The following GPR146 variants were observed in gnomAD, a reference collection of about 807,000 sequenced individuals.
GPR146 encodes G protein-coupled receptor 146.
For synonymous variants in GPR146, 203 were observed against 104.3 expected, an observed-to-expected ratio of 1.95 and a Z score of -5.77; for missense variants, 381 against 213.9, an observed-to-expected ratio of 1.78 and a Z score of -4.87.
rs902234383 is a variant in GPR146 at position 1,058,808 on chromosome 7, T to C, written c.*291T>C. On this transcript the variant is annotated 3_prime_UTR_variant, in exon 2 of 2. Transcript: ENST00000444847. Reference sequence around the variant, plus strand: ...GCCTTCAGCCTCCTCAGCATTCAGTTTGTCAATGAAGTGATGAAAGCTTAG... The same window carrying C: ...GCCTTCAGCCTCCTCAGCATTCAGTCTGTCAATGAAGTGATGAAAGCTTAG... 3 of 444,494 alleles carry C rather than the reference T, an allele frequency of 6.7e-6. No homozygotes were observed. Among genetic ancestry groups the C allele is most frequent in the Non-Finnish European group, 1.2e-5 (3 of 240,908 alleles). The allele number at this position is 444,494 out of a possible 1,614,324, so 27.5% of individuals were successfully genotyped here.
intron 1 of GPR146, among the ~76,000 whole-genome samples, chr7:1,049,390 C>T (rs1388603447): frequency 1.3e-5 from 2 of 152,354 alleles, no homozygotes; most frequent in African/African-American, 2.4e-5. Context: ...ACTTAACCCT[C>T]CTGTCTCATG....
At chr7:1,045,873 TCCA>T (rs924115223) in intron 1 of GPR146, 2 of 152,250 alleles carry the variant, frequency 1.3e-5, no homozygotes, top group African/African-American at 4.8e-5. Flanking sequence ...CGTGCTGGCG[TCCA>T]CGTGTCATCC....
Position 1,057,694 on chromosome 7 carries a change from C to A in GPR146, c.179C>A (p.Thr60Asn), listed in dbSNP as rs377419653. ...AACCTACACAGCAAGGCCAGCATGACCATGCCGGACGTGTACTTTGTCAAC... is the reference window on the plus strand; with the variant it reads ...AACCTACACAGCAAGGCCAGCATGAACATGCCGGACGTGTACTTTGTCAAC... Reference protein sequence around the residue: ...LANLHSKASMTMPDVYFVNMA... With the variant: ...LANLHSKASMNMPDVYFVNMA... The change falls in exon 2 of 2, where the codon ACC (threonine) becomes AAC (asparagine). Residue 60 changes from threonine (T) to asparagine (N), a missense_variant. Thr to Asn is a moderately conservative substitution (Grantham distance 65). Coordinates refer to ENST00000444847, the MANE Select transcript of GPR146 (RefSeq NM_001303473.2). 9.0e-6 allele frequency: 7 copies of A among 774,230 alleles called. No individual in the cohort carries two copies. The highest frequency in any genetic ancestry group is 9.6e-6 in the Non-Finnish European group (4 of 416,744). The allele number at this position is 774,230 out of a possible 1,614,324, so 48.0% of individuals were successfully genotyped here.
At chr7:1,053,173 G>C (rs1385378093) in intron 1 of GPR146, among the ~76,000 whole-genome samples, 1 of 152,218 alleles carries the variant, frequency 6.6e-6, no homozygotes, top group Non-Finnish European at 1.5e-5. Flanking sequence ...AGAGGCAAGC[G>C]GGAGACCACG....
rs564948714 is a variant in GPR146 at position 1,055,620 on chromosome 7, G to A, written c.-24-1872G>A. 4.4e-4 allele frequency: 152 copies of A among 348,070 alleles called. 1 individual carries two copies. The highest frequency in any genetic ancestry group is 2.5e-3 in the African/African-American group (118 of 46,774). 21.6% of individuals were successfully genotyped at this position (348,070 alleles called of 1,614,324 possible). A position where few individuals can be genotyped will look rare whatever the true frequency, so the allele number is the denominator to read the frequency against. ...GCAGGGGGTTCTGTACAGTGCCACC[G>A]GTGGACATCTCTAAGTAGGGAATGA... On this transcript the variant is annotated intron_variant, in intron 1 of 1. Transcript: ENST00000444847.
intron 1 of GPR146, among the ~76,000 whole-genome samples, chr7:1,053,638 G>T (rs983069432): frequency 6.6e-6 from 1 of 152,184 alleles, no homozygotes; most frequent in South Asian, 2.1e-4. Flanking sequence ...GATCAGCCTG[G>T]CCAACATGGA....
At chr7:1,047,544 A>C (rs1223287571) in intron 1 of GPR146, among the ~76,000 whole-genome samples, 3 of 152,240 alleles carry the variant, frequency 2.0e-5, no homozygotes, top group African/African-American at 7.2e-5. Context: ...GCTGGATGTT[A>C]ATTGTTGCTA....
chr7:1,053,495 T>C lies in GPR146; in HGVS notation c.-24-3997T>C, dbSNP rs188433162. 1.7e-3 allele frequency among the ~76,000 whole-genome samples: 254 copies of C among 152,312 alleles called. 1 individual carries two copies. The highest frequency in any genetic ancestry group is 5.4e-3 in the African/African-American group (225 of 41,592). Reference sequence around the variant, plus strand: ...CATGACTCGCCAGGCCCTGGCACGCTGTGGTTCTGTGGGTGCCCCCTGCAG... The same window carrying C: ...CATGACTCGCCAGGCCCTGGCACGCCGTGGTTCTGTGGGTGCCCCCTGCAG... On this transcript the variant is annotated intron_variant, in intron 1 of 1. Coordinates refer to ENST00000444847, the MANE Select transcript of GPR146 (RefSeq NM_001303473.2).
intron 1 of GPR146, among the ~76,000 whole-genome samples, chr7:1,050,351 G>A (rs1222409317): frequency 2.0e-5 from 3 of 152,256 alleles, no homozygotes; most frequent in African/African-American, 7.2e-5. Flanking sequence ...GCAGAGCAGG[G>A]AGCCGTCCAC....
rs1783200024 is a variant in GPR146 at position 1,052,338 on chromosome 7, T to C, written c.-24-5154T>C. On this transcript the variant is annotated intron_variant, in intron 1 of 1. Transcript: ENST00000444847. The surrounding 1 kb of genome is among the most constrained non-coding windows in gnomAD (Gnocchi z 4.2). ...AAGAGCCCAGTCCTGGGTGCCTCCC[T>C]AGGGGAGGGCCTTGGGGCTGCTTGT... Among the ~76,000 whole-genome samples the C allele has an allele frequency of 6.6e-6, 1 of 152,072 alleles. No individual in the cohort carries two copies. Among genetic ancestry groups the C allele is most frequent in the South Asian group, 2.1e-4 (1 of 4,822 alleles).
chr7:1,053,083 C>T (rs1300993435), intron 1 of GPR146, among the ~76,000 whole-genome samples: 2 of 152,220 alleles, frequency 1.3e-5, no homozygotes, highest in Non-Finnish European at 2.9e-5. Flanking sequence ...GGGGGAGAAG[C>T]CAGGCCATTG....
At chr7:1,053,789 T>A (rs1783422590) in intron 1 of GPR146, among the ~76,000 whole-genome samples, 1 of 152,192 alleles carries the variant, frequency 6.6e-6, no homozygotes, top group African/African-American at 2.4e-5. Flanking sequence ...ATCGTGCCAC[T>A]GCACTCCAGC....
chr7:1,048,517 C>T (rs536231093), intron 1 of GPR146, among the ~76,000 whole-genome samples: 2 of 152,284 alleles, frequency 1.3e-5, no homozygotes, highest in South Asian at 4.1e-4. Flanking sequence ...CCCCCTCTGT[C>T]TCCAGGCCTG....
chr7:1,053,391 C>G (rs779515966), intron 1 of GPR146, among the ~76,000 whole-genome samples: 1 of 152,256 alleles, frequency 6.6e-6, no homozygotes, highest in Non-Finnish European at 1.5e-5. Flanking sequence ...AGCTCAGTGA[C>G]AGGGAGCTGG....
At chr7:1,054,521 A>G (rs1053460296) in intron 1 of GPR146, among the ~76,000 whole-genome samples, 1 of 152,226 alleles carries the variant, frequency 6.6e-6, no homozygotes. Flanking sequence ...ACGTGAGCGC[A>G]GGGAGGAAAT....
Position 1,052,908 on chromosome 7 carries a change from A to G in GPR146, c.-24-4584A>G, listed in dbSNP as rs186748940. 6.5e-3 allele frequency among the ~76,000 whole-genome samples: 996 copies of G among 152,228 alleles called. 10 individuals carry two copies. Among genetic ancestry groups the G allele is most frequent in the African/African-American group, 0.023 (939 of 41,540 alleles). On this transcript the variant is annotated intron_variant, in intron 1 of 1. Coordinates refer to ENST00000444847, the MANE Select transcript of GPR146 (RefSeq NM_001303473.2). This position sits in a 1 kb window ranked among gnomAD's most constrained non-coding sequence, Gnocchi z 4.2. ...CTTTCATCGCCGCCACAACAAACTC[A>G]GGCTTTCGTGTAGGAAAAGAGCCCA... is the stretch of plus-strand genomic sequence containing the variant.
At chr7:1,050,359 C>T (rs1227459699) in intron 1 of GPR146, among the ~76,000 whole-genome samples, 1 of 152,272 alleles carries the variant, frequency 6.6e-6, no homozygotes, top group Non-Finnish European at 1.5e-5. Flanking sequence ...GGGAGCCGTC[C>T]ACCTGCGGCG....
rs1783252029 is a variant in GPR146 at position 1,052,735 on chromosome 7, G to C, written c.-24-4757G>C. 6.6e-6 allele frequency among the ~76,000 whole-genome samples: 1 copy of C among 152,128 alleles called. No homozygotes were observed. The highest frequency in any genetic ancestry group is 2.4e-5 in the African/African-American group (1 of 41,428). On this transcript the variant is annotated intron_variant, in intron 1 of 1. Coordinates refer to ENST00000444847, the MANE Select transcript of GPR146 (RefSeq NM_001303473.2). This position sits in a 1 kb window ranked among gnomAD's most constrained non-coding sequence, Gnocchi z 4.2. ...TGAATATCACCCCCGCCACCGGGCAGGCAGTGCTCAGAGTGAAACGGGTGA... is the reference window on the plus strand; with the variant it reads ...TGAATATCACCCCCGCCACCGGGCACGCAGTGCTCAGAGTGAAACGGGTGA...
At chr7:1,049,333 CAG>C (rs1259701013) in intron 1 of GPR146, among the ~76,000 whole-genome samples, 2 of 152,236 alleles carry the variant, frequency 1.3e-5, no homozygotes, top group East Asian at 1.9e-4. Context: ...GGGCTGGTAA[CAG>C]GGAGCAAGTG....
Sources: allele counts gnomAD v4.1 joint callset (sites outside exome capture counted in the v4.1 genomes callset), GRCh38; gene constraint gnomAD v4.1.1; non-coding constraint Gnocchi (gnomAD v3.1); transcripts MANE v1.5; gene names NCBI Gene and HGNC (gene_info 2026-07-23, HGNC 2026-07-21).